The following NCOA1 variants were observed in gnomAD, a reference collection of about 807,000 sequenced individuals.
The protein encoded by NCOA1 is nuclear receptor coactivator 1.
NCOA1 carries 35 observed loss-of-function variants against 150.9 expected under a neutral mutation model. That is an observed-to-expected ratio of 0.23 (90% CI 0.18 to 0.31). The LOEUF (loss-of-function observed/expected upper bound fraction) is 0.31. Ranked by LOEUF, NCOA1 falls within the 10% of genes least tolerant of loss-of-function variation. NCOA1 has a pLI of 1.00. For missense variants in NCOA1, 1,491 were observed against 1,749.3 expected, an observed-to-expected ratio of 0.85 and a Z score of 2.63; for synonymous variants, 590 against 630.0, an observed-to-expected ratio of 0.94 and a Z score of 0.95.
chr2:24,609,660 TTTAA>T (rs781353625), intron 3 of NCOA1, among the ~76,000 whole-genome samples: 1 of 152,076 alleles, frequency 6.6e-6, no homozygotes, highest in Non-Finnish European at 1.5e-5. Flanking sequence ...CAACTTTTGG[TTTAA>T]TTATTCTCTT....
intron 1 of NCOA1, among the ~76,000 whole-genome samples, chr2:24,510,106 A>G (rs1663871566): frequency 1.3e-5 from 2 of 152,118 alleles, no homozygotes; most frequent in South Asian, 4.1e-4. Context: ...CTGGAGTGCA[A>G]TGGCATGATC....
chr2:24,500,971 G>A (rs12478114), intron 1 of NCOA1, among the ~76,000 whole-genome samples: 70,760 of 151,974 alleles, frequency 0.47, 19,265 homozygotes, highest in East Asian at 0.74. Context: ...TTTTTTATAT[G>A]TATACTTGAA....
intron 1 of NCOA1, among the ~76,000 whole-genome samples, chr2:24,527,819 G>A (rs988660190): frequency 2.6e-5 from 4 of 152,076 alleles, no homozygotes; most frequent in African/African-American, 9.7e-5. Context: ...CCATACCGTT[G>A]CCAACACTTG....
chr2:24,702,155 C>T (rs779981898), intron 11 of NCOA1, among the ~76,000 whole-genome samples: 24 of 152,148 alleles, frequency 1.6e-4, no homozygotes, highest in Admixed American at 8.5e-4. Flanking sequence ...ATTAAGTCCA[C>T]GGTCCATGTA....
intron 11 of NCOA1, among the ~76,000 whole-genome samples, chr2:24,702,210 A>T (rs576412599): frequency 4.6e-5 from 7 of 152,366 alleles, no homozygotes; most frequent in African/African-American, 1.7e-4. Flanking sequence ...AAAATATTTA[A>T]AATGTGAGTT....
At chr2:24,617,125 G>A (rs1437917804) in intron 3 of NCOA1, among the ~76,000 whole-genome samples, 1 of 152,110 alleles carries the variant, frequency 6.6e-6, no homozygotes, top group African/African-American at 2.4e-5. Flanking sequence ...AGTTGGGGAG[G>A]ATGGTAGAAA....
At chr2:24,731,530 TAA>T (rs1663009922) in intron 17 of NCOA1, among the ~76,000 whole-genome samples, 1 of 151,912 alleles carries the variant, frequency 6.6e-6, no homozygotes, top group South Asian at 2.1e-4. Flanking sequence ...CCATTCTGTT[TAA>T]AAAAAGGAAG....
At chr2:24,743,884 A>C (rs1663745247) in intron 19 of NCOA1, among the ~76,000 whole-genome samples, 1 of 152,228 alleles carries the variant, frequency 6.6e-6, no homozygotes, top group African/African-American at 2.4e-5. Context: ...AATTATTCTA[A>C]GGATTTTTTC....
intron 1 of NCOA1, among the ~76,000 whole-genome samples, chr2:24,517,579 C>T (rs990635153): frequency 1.3e-5 from 2 of 152,076 alleles, no homozygotes; most frequent in Admixed American, 1.3e-4. Context: ...ACCTAGCAAG[C>T]GTGTCTTTAA....
chr2:24,697,622 G>A (rs1672961614), intron 10 of NCOA1, 36 bp from the exon 11 acceptor site: 1 of 1,534,070 alleles, frequency 6.5e-7, no homozygotes, highest in Non-Finnish European at 8.9e-7. Flanking sequence ...TATATAAAGA[G>A]GCTGTTATAA....
At chr2:24,674,657 A>G (rs777851286) in intron 7 of NCOA1, among the ~76,000 whole-genome samples, 34 of 152,210 alleles carry the variant, frequency 2.2e-4, no homozygotes, top group Non-Finnish European at 3.4e-4. Flanking sequence ...TAGACACTGG[A>G]TATCTACATC....
intron 11 of NCOA1, among the ~76,000 whole-genome samples, chr2:24,704,086 G>C (rs996108888): frequency 2.0e-5 from 3 of 152,112 alleles, no homozygotes; most frequent in African/African-American, 7.2e-5. Context: ...CTTATAAAGT[G>C]ACTTGACTGC....
chr2:24,610,146 T>TTTTG (rs1668557006), intron 3 of NCOA1, among the ~76,000 whole-genome samples: 1 of 146,588 alleles, frequency 6.8e-6, no homozygotes. Context: ...TTTTTTTTTT[T>TTTTG]GAGACAGAGT....
chr2:24,704,321 G>A (rs541767011), intron 11 of NCOA1, among the ~76,000 whole-genome samples: 1 of 152,026 alleles, frequency 6.6e-6, no homozygotes, highest in Non-Finnish European at 1.5e-5. Context: ...AAATTTTATG[G>A]TGTGTCAGTC....
chr2:24,710,788 C>T, intron 13 of NCOA1, 143 bp from the exon 14 acceptor site: 1 of 776,726 alleles, frequency 1.3e-6, no homozygotes, highest in Non-Finnish European at 2.0e-6. Flanking sequence ...CAAGTAGCCC[C>T]AATCATTCTA....
intron 3 of NCOA1, among the ~76,000 whole-genome samples, chr2:24,606,443 G>A (rs1157366932): frequency 6.6e-6 from 1 of 152,048 alleles, no homozygotes; most frequent in Non-Finnish European, 1.5e-5. Context: ...CACCATGTTG[G>A]CCAGGCTGGT....
At chr2:24,603,896 A>C (rs554953015) in intron 3 of NCOA1, among the ~76,000 whole-genome samples, 1 of 152,232 alleles carries the variant, frequency 6.6e-6, no homozygotes, top group Non-Finnish European at 1.5e-5. Flanking sequence ...CTTTGCCCAG[A>C]TCCATCAGAG....
intron 17 of NCOA1, among the ~76,000 whole-genome samples, chr2:24,736,238 GA>G (rs771409624): frequency 0.052 from 7,590 of 145,958 alleles, 278 homozygotes; most frequent in Non-Finnish European, 0.075. Context: ...AAAAAAAAAA[GA>G]AAAAGAAAAA....
At chr2:24,657,778 G>T (rs996169978) in intron 4 of NCOA1, among the ~76,000 whole-genome samples, 1 of 152,168 alleles carries the variant, frequency 6.6e-6, no homozygotes, top group Non-Finnish European at 1.5e-5. Flanking sequence ...AAAGCTAAAG[G>T]TTCTCCCATT....
Sources: gnomAD v4.1 joint callset for allele counts (sites outside exome capture counted in the v4.1 genomes callset) on GRCh38, gnomAD v4.1.1 for gene constraint, MANE v1.5 for transcripts, NCBI Gene and HGNC (gene_info 2026-07-23, HGNC 2026-07-21) for gene names.